NFIL3: variants seen among roughly 807,000 people sequenced by gnomAD.
NFIL3 encodes the protein nuclear factor, interleukin 3 regulated.
NFIL3 carries 5 observed loss-of-function variants against 10.0 expected under a neutral mutation model. That is an observed-to-expected ratio of 0.50 (90% CI 0.26 to 1.06). NFIL3 has a LOEUF of 1.06. Among genes scored for constraint, NFIL3 ranks in the 50% least tolerant of loss-of-function variants. The pLI, the probability that NFIL3 is intolerant of heterozygous loss-of-function variation, is 0.13. For synonymous variants in NFIL3, 202 were observed against 206.5 expected, an observed-to-expected ratio of 0.98 and a Z score of 0.19; for missense variants, 436 against 547.6, an observed-to-expected ratio of 0.80 and a Z score of 2.03.
the NFIL3 span, among the ~76,000 whole-genome samples, chr9:91,453,431 T>C: frequency 6.6e-6 from 1 of 152,118 alleles, no homozygotes; most frequent in Non-Finnish European, 1.5e-5. Flanking sequence ...TGGTAGGTTT[T>C]ACCTCATAAG....
At chr9:91,449,645 G>C in the NFIL3 span, among the ~76,000 whole-genome samples, 7 of 151,966 alleles carry the variant, frequency 4.6e-5, no homozygotes, top group African/African-American at 1.7e-4. Flanking sequence ...CTATTCATAA[G>C]GGACGTTGGT....
upstream of NFIL3, among the ~76,000 whole-genome samples, chr9:91,428,784 A>G (rs1404705996): frequency 6.6e-6 from 1 of 152,250 alleles, no homozygotes; most frequent in African/African-American, 2.4e-5. Context: ...TATTACAAAA[A>G]CTGAAACATG....
chr9:91,436,544 C>T, the NFIL3 span, among the ~76,000 whole-genome samples: 6 of 151,984 alleles, frequency 3.9e-5, no homozygotes, highest in Non-Finnish European at 7.4e-5. Flanking sequence ...CGCCACTGCA[C>T]TCCAGCCTGG....
chr9:91,453,365 G>A, the NFIL3 span, among the ~76,000 whole-genome samples: 3 of 152,104 alleles, frequency 2.0e-5, no homozygotes, highest in South Asian at 6.2e-4. Flanking sequence ...GAAATTTTTG[G>A]AGGGACACAA....
chr9:91,436,437 GC>G, the NFIL3 span, among the ~76,000 whole-genome samples: 14,625 of 152,188 alleles, frequency 0.096, 920 homozygotes, highest in African/African-American at 0.17. Flanking sequence ...AATTAGCCGG[GC>G]GTGGTGGCGG....
At chr9:91,473,383 CTTTG>C in the NFIL3 span, among the ~76,000 whole-genome samples, 1 of 152,256 alleles carries the variant, frequency 6.6e-6, no homozygotes, top group Non-Finnish European at 1.5e-5. Context: ...TTCCTAGTGC[CTTTG>C]TTTACCTACT....
At chr9:91,440,921 A>T in the NFIL3 span, among the ~76,000 whole-genome samples, 1 of 152,136 alleles carries the variant, frequency 6.6e-6, no homozygotes. Context: ...TTGTGGCCTA[A>T]CATACAGTGT....
chr9:91,472,394 TGTTA>T, the NFIL3 span, among the ~76,000 whole-genome samples: 3 of 152,328 alleles, frequency 2.0e-5, no homozygotes, highest in Admixed American at 2.0e-4. Context: ...TTGGAGGCTT[TGTTA>T]ATTTCTTTTT....
At chr9:91,463,144 G>A in the NFIL3 span, among the ~76,000 whole-genome samples, 3 of 151,592 alleles carry the variant, frequency 2.0e-5, no homozygotes, top group Non-Finnish European at 4.4e-5. Flanking sequence ...CCAGCTTTTG[G>A]TTTTGTTGAT....
chr9:91,482,197 G>A, the NFIL3 span, among the ~76,000 whole-genome samples: 5 of 152,168 alleles, frequency 3.3e-5, no homozygotes, highest in South Asian at 4.1e-4. Context: ...ACTTGAGGAT[G>A]TCTATTGCAA....
the NFIL3 span, among the ~76,000 whole-genome samples, chr9:91,463,053 A>G: frequency 6.6e-6 from 1 of 151,874 alleles, no homozygotes; most frequent in Non-Finnish European, 1.5e-5. Context: ...TATTTATAAT[A>G]TTGGTAATTT....
At chr9:91,473,212 T>G in the NFIL3 span, among the ~76,000 whole-genome samples, 4 of 152,212 alleles carry the variant, frequency 2.6e-5, no homozygotes, top group African/African-American at 9.6e-5. Flanking sequence ...TCAAACTCTG[T>G]GCTGGGAGAA....
At chr9:91,470,712 A>G in the NFIL3 span, among the ~76,000 whole-genome samples, 1 of 152,128 alleles carries the variant, frequency 6.6e-6, no homozygotes, top group Admixed American at 6.6e-5. Context: ...AAATTCTGGT[A>G]TGTTGTGTCT....
chr9:91,457,203 C>A, the NFIL3 span, among the ~76,000 whole-genome samples: 4 of 151,644 alleles, frequency 2.6e-5, no homozygotes, highest in African/African-American at 9.7e-5. Flanking sequence ...GTGTTCCAAT[C>A]TTTTGAATTT....
the NFIL3 span, among the ~76,000 whole-genome samples, chr9:91,466,281 A>G: frequency 6.6e-6 from 1 of 152,290 alleles, no homozygotes; most frequent in Admixed American, 6.5e-5. Flanking sequence ...GAGTACTAAC[A>G]ACACAGACCC....
At chr9:91,443,922 G>C in the NFIL3 span, among the ~76,000 whole-genome samples, 2 of 152,128 alleles carry the variant, frequency 1.3e-5, no homozygotes. Context: ...GGACCTCTTT[G>C]GTTCTGTTTG....
the NFIL3 span, among the ~76,000 whole-genome samples, chr9:91,470,205 C>G: frequency 6.6e-6 from 1 of 151,892 alleles, no homozygotes; most frequent in Non-Finnish European, 1.5e-5. Context: ...GCCTCAATTT[C>G]AGAGCCTGTT....
the NFIL3 span, among the ~76,000 whole-genome samples, chr9:91,477,909 G>C: frequency 6.6e-6 from 1 of 152,090 alleles, no homozygotes; most frequent in Non-Finnish European, 1.5e-5. Context: ...TGCTTATGAA[G>C]CTTGGTTTGG....
At chr9:91,412,400 T>C (rs538050881) in intron 1 of NFIL3, among the ~76,000 whole-genome samples, 4 of 152,318 alleles carry the variant, frequency 2.6e-5, no homozygotes, top group Admixed American at 1.3e-4. Flanking sequence ...GTAGCAATCA[T>C]TGCATGGGGG....
Sources: gnomAD v4.1 joint callset for allele counts (sites outside exome capture counted in the v4.1 genomes callset) on GRCh38, gnomAD v4.1.1 for gene constraint, MANE v1.5 for transcripts, NCBI Gene and HGNC (gene_info 2026-07-23, HGNC 2026-07-21) for gene names.